ROBO1: variants seen among roughly 807,000 people sequenced by gnomAD.
ROBO1 encodes the protein roundabout homolog 1.
Under a neutral mutation model 195.9 loss-of-function variants are expected in ROBO1, and 149 were observed. The ratio of observed to expected loss-of-function variants is 0.76; its 90% CI spans 0.67 to 0.87. The LOEUF (loss-of-function observed/expected upper bound fraction) is 0.87. ROBO1 is among the 40% of genes least tolerant of loss of function. The probability of loss-of-function intolerance (pLI) is 0.00; values close to 1 mark genes in which losing one functional copy is unlikely to be tolerated. For synonymous variants in ROBO1, 816 were observed against 733.2 expected, an observed-to-expected ratio of 1.11 and a Z score of -1.82; for missense variants, 1,933 against 2,068.3, an observed-to-expected ratio of 0.93 and a Z score of 1.27.
At chr3:79,183,790 T>C (rs1287183215) in intron 2 of ROBO1, among the ~76,000 whole-genome samples, 3 of 152,174 alleles carry the variant, frequency 2.0e-5, no homozygotes, top group Non-Finnish European at 2.9e-5. Flanking sequence ...GGGAATTCCC[T>C]GTAGCTATCA....
At chr3:78,887,990 T>C (rs917138086) in intron 4 of ROBO1, among the ~76,000 whole-genome samples, 4 of 152,186 alleles carry the variant, frequency 2.6e-5, no homozygotes, top group Admixed American at 2.6e-4. Context: ...GTGAGTTTAA[T>C]GCTCTTAATC....
chr3:79,573,165 C>T (rs1013466550), intron 2 of ROBO1, among the ~76,000 whole-genome samples: 1 of 152,092 alleles, frequency 6.6e-6, no homozygotes, highest in African/African-American at 2.4e-5. Context: ...CCTCCTGCCT[C>T]GTCTTCCCGA....
chr3:78,740,036 G>A (rs557505390), intron 5 of ROBO1, among the ~76,000 whole-genome samples: 2 of 152,270 alleles, frequency 1.3e-5, no homozygotes, highest in South Asian at 4.1e-4. Context: ...GACTGCATTA[G>A]CAGAATTTTT....
intron 4 of ROBO1, among the ~76,000 whole-genome samples, chr3:78,797,280 G>A (rs555716651): frequency 1.1e-4 from 17 of 152,320 alleles, no homozygotes; most frequent in African/African-American, 3.8e-4. Context: ...TCTAATGCCA[G>A]TCACACTGTA....
intron 2 of ROBO1, among the ~76,000 whole-genome samples, chr3:79,420,201 ATT>A (rs1449510708): frequency 9.9e-5 from 15 of 152,150 alleles, no homozygotes; most frequent in Admixed American, 9.8e-4. Context: ...CAAATACCTA[ATT>A]TTATCATTGA....
intron 1 of ROBO1, among the ~76,000 whole-genome samples, chr3:79,703,018 G>A (rs1357082025): frequency 6.6e-6 from 1 of 151,844 alleles, no homozygotes; most frequent in Non-Finnish European, 1.5e-5. Context: ...TATAAGTTAA[G>A]AAGCATGTGA....
chr3:79,117,195 C>T (rs1216868069), intron 3 of ROBO1, among the ~76,000 whole-genome samples: 1 of 151,878 alleles, frequency 6.6e-6, no homozygotes, highest in African/African-American at 2.4e-5. Context: ...CGGTGAAACC[C>T]CATCTCTACT....
chr3:79,251,986 A>G (rs2082738352), intron 2 of ROBO1, among the ~76,000 whole-genome samples: 1 of 151,468 alleles, frequency 6.6e-6, no homozygotes, highest in African/African-American at 2.4e-5. Flanking sequence ...CAAAATCAAG[A>G]TTTTCCTCAG....
intron 3 of ROBO1, among the ~76,000 whole-genome samples, chr3:79,031,784 GTAGAAAACTGAACACTTTTTCAATTAA>G (rs2078299922): frequency 6.6e-6 from 1 of 152,106 alleles, no homozygotes; most frequent in Non-Finnish European, 1.5e-5. Flanking sequence ...ATAGTTAGTA[GTAGAAAACTGAACACTTTTTCAATTAA>G]TAAGGGAAGT....
intron 2 of ROBO1, among the ~76,000 whole-genome samples, chr3:79,431,739 T>A (rs2038688025): frequency 6.6e-6 from 1 of 152,186 alleles, no homozygotes; most frequent in South Asian, 2.1e-4. Flanking sequence ...TAAAGCATTG[T>A]GCAGGCAGGC....
intron 2 of ROBO1, among the ~76,000 whole-genome samples, chr3:79,154,304 T>G (rs114680637): frequency 0.019 from 2,922 of 151,870 alleles, 53 homozygotes; most frequent in Middle Eastern, 0.024. Flanking sequence ...TCAGATCATG[T>G]TCACTTGAGG....
chr3:79,329,682 GTTTTC>G (rs1412195961), intron 2 of ROBO1, among the ~76,000 whole-genome samples: 1 of 152,020 alleles, frequency 6.6e-6, no homozygotes, highest in African/African-American at 2.4e-5. Flanking sequence ...TAATTCAGTT[GTTTTC>G]TTTATCAAAT....
intron 1 of ROBO1, among the ~76,000 whole-genome samples, chr3:79,639,372 T>A (rs1390142054): frequency 6.6e-6 from 1 of 152,198 alleles, no homozygotes; most frequent in Non-Finnish European, 1.5e-5. Flanking sequence ...TCAGAAGGAC[T>A]GTTTTGAAGT....
intron 2 of ROBO1, among the ~76,000 whole-genome samples, chr3:79,207,713 T>C (rs2081895037): frequency 6.6e-6 from 1 of 151,266 alleles, no homozygotes; most frequent in African/African-American, 2.4e-5. Context: ...CCCTGTGAAA[T>C]CCTTCCAAAG....
At chr3:79,291,039 T>C (rs906017964) in intron 2 of ROBO1, among the ~76,000 whole-genome samples, 1 of 152,210 alleles carries the variant, frequency 6.6e-6, no homozygotes, top group African/African-American at 2.4e-5. Context: ...ACCACTACAT[T>C]TGAACCTTGA....
At chr3:79,747,918 G>T (rs986731291) in intron 1 of ROBO1, among the ~76,000 whole-genome samples, 12 of 152,052 alleles carry the variant, frequency 7.9e-5, no homozygotes, top group South Asian at 2.1e-4. Context: ...ATTTGAAATT[G>T]TTGGTATGAC....
chr3:78,926,737 A>G (rs1048242504), intron 4 of ROBO1, among the ~76,000 whole-genome samples: 2 of 152,138 alleles, frequency 1.3e-5, no homozygotes, highest in African/African-American at 4.8e-5. Flanking sequence ...CTTCAGGGTA[A>G]GTCATAAAGC....
rs184943697 is a variant in ROBO1 at position 78,618,655 on chromosome 3, C to T, written c.3876-614G>A. Among the ~76,000 whole-genome samples, 598 of 152,048 alleles carry T rather than the reference C, an allele frequency of 3.9e-3. 2 individuals carry two copies. The highest frequency in any genetic ancestry group is 0.014 in the African/African-American group (574 of 41,464). ...AAGAGTAATTCTTCTCTGATTTATT[C>T]GCTATGAGTTTCATTAAAGATCATT... On this transcript the variant is annotated intron_variant, in intron 26 of 30. Transcript: ENST00000464233.
chr3:79,030,201 C>T (rs2078269482), intron 3 of ROBO1, among the ~76,000 whole-genome samples: 1 of 152,140 alleles, frequency 6.6e-6, no homozygotes, highest in Non-Finnish European at 1.5e-5. Flanking sequence ...GATTCTACCC[C>T]CTTACTGTAA....
Sources: allele counts gnomAD v4.1 joint callset (sites outside exome capture counted in the v4.1 genomes callset), GRCh38; gene constraint gnomAD v4.1.1; transcripts MANE v1.5; gene names NCBI Gene and HGNC (gene_info 2026-07-23, HGNC 2026-07-21).